Variants in ELAC2 observed in about 807,000 individuals in gnomAD.
The protein encoded by ELAC2 is zinc phosphodiesterase ELAC protein 2.
A neutral mutation model predicts 105.2 loss-of-function variants in ELAC2; 92 were observed. That is an observed-to-expected ratio of 0.87 (90% CI 0.74 to 1.04). The LOEUF is 1.04. Ranked by LOEUF, ELAC2 falls within the 50% of genes least tolerant of loss-of-function variation. The probability of loss-of-function intolerance (pLI) is 0.00; values close to 1 mark genes in which losing one functional copy is unlikely to be tolerated. For synonymous variants in ELAC2, 468 were observed against 409.1 expected, an observed-to-expected ratio of 1.14 and a Z score of -1.74; for missense variants, 1,099 against 1,071.7, an observed-to-expected ratio of 1.03 and a Z score of -0.36.
In ELAC2 at chr17:13,017,658, C is replaced by A. The variant is rs760960344; in HGVS notation, c.245+45G>T. 5.6e-6 allele frequency: 9 copies of A among 1,612,636 alleles called. No homozygotes were observed. The South Asian group carries it at 6.6e-5, about 12-fold the overall frequency. On this transcript the variant is annotated intron_variant, in intron 1 of 23. Transcript: ENST00000338034. ...GGTGCCCCGATGCTCAGAGGCTGCG[C>A]CGCACTGAGGGCCCAGCGGGACGGG...
At chr17:13,002,605 G>T in intron 12 of ELAC2, 26 bp from the exon 13 acceptor site, 1 of 1,581,454 alleles carries the variant, frequency 6.3e-7, no homozygotes, top group Non-Finnish European at 8.6e-7. Context: ...CCCGGCATTT[G>T]CAGCGTCTGT....
chr17:12,999,182 A>G (rs2040630449), intron 15 of ELAC2, among the ~76,000 whole-genome samples: 1 of 152,256 alleles, frequency 6.6e-6, no homozygotes, highest in Non-Finnish European at 1.5e-5. Flanking sequence ...CCTTTCTTCA[A>G]AAGAATTGCT....
chr17:13,006,330 T>C lies in ELAC2; in HGVS notation c.739-351A>G, dbSNP rs60427865. The C allele has an allele frequency of 7.1e-3, 2,150 of 302,986 alleles. 37 individuals are homozygous for C. The highest frequency in any genetic ancestry group is 0.043 in the African/African-American group (1,973 of 46,394). 18.8% of individuals were successfully genotyped at this position (302,986 alleles called of 1,614,324 possible). A position where few individuals can be genotyped will look rare whatever the true frequency, so the allele number is the denominator to read the frequency against. ...GTTGCAGTGAGCCGAGATCGCGCCATTGCACTCCAGCCTAGGCAACAAAAG... is the reference window on the plus strand; with the variant it reads ...GTTGCAGTGAGCCGAGATCGCGCCACTGCACTCCAGCCTAGGCAACAAAAG... On this transcript the variant is annotated intron_variant, in intron 8 of 23. Coordinates refer to ENST00000338034, the MANE Select transcript of ELAC2 (RefSeq NM_018127.7).
In ELAC2 at chr17:12,995,062, A is replaced by C. The variant is rs1567743059; in HGVS notation, c.1809T>G (p.Ser603Arg). 4.3e-6 allele frequency: 7 copies of C among 1,613,888 alleles called. No homozygotes were observed. The highest frequency in any genetic ancestry group is 1.3e-5 in the African/African-American group (1 of 74,940). The change falls in exon 20 of 24, where the codon AGT becomes AGG. Residue 603 changes from serine (S) to arginine (R), a missense_variant and splice_region_variant. Ser to Arg is a moderately radical substitution (Grantham distance 110). Transcript: ENST00000338034. ...CCTGAAGGCATTTGGCAGGAATCAT[A>C]CTGTAAAAAGACAAAACATTTAAAA... ...NQCQEVLHHI[S>R]MIPAKCLQEG...
At position 13,017,779 on chromosome 17, in the gene ELAC2, T is replaced by C. The variant is rs770364889; in HGVS notation, c.169A>G (p.Thr57Ala). The C allele has an allele frequency of 1.9e-6, 3 of 1,610,348 alleles. No homozygotes were observed. The highest frequency in any genetic ancestry group is 1.3e-5 in the African/African-American group (1 of 74,990). The stretch of plus-strand genomic sequence containing the variant: ...GCTGCCACCACCTGCAGGTACACGG[T>C]GTTTGGGCCGCCGGAGCACCCCGAC... ...GPSGCSGGPN[T>A]VYLQVVAAGS... is the part of the protein sequence containing the mutation. Residue 57 changes from threonine to alanine, a missense_variant, in exon 1 of 24, where the codon ACC (threonine) becomes GCC (alanine). Transcript: ENST00000338034.
At position 12,995,729 on chromosome 17, in the gene ELAC2, C is replaced by T. The variant is rs1056573307; in HGVS notation, c.1782G>A (p.Gln594=). Residue 594 remains glutamine, a synonymous_variant, in exon 19 of 24, where the codon CAG becomes CAA. Transcript: ENST00000338034. ...LKAWLQQYHN[Q]CQEVLHHISM... Reference sequence around the variant, plus strand: ...TGATGTGGTGCAGGACCTCCTGGCACTGGTTGTGGTACTGCTGGAGCCAGG... The same window carrying T: ...TGATGTGGTGCAGGACCTCCTGGCATTGGTTGTGGTACTGCTGGAGCCAGG... 2 of 1,612,402 alleles carry T rather than the reference C, an allele frequency of 1.2e-6. No homozygotes were observed. The highest frequency in any genetic ancestry group is 3.3e-5 in the Admixed American group (2 of 59,862).
intron 14 of ELAC2, 140 bp downstream of exon 14, chr17:13,002,134 T>C (rs1393771377): frequency 3.3e-6 from 3 of 911,782 alleles, no homozygotes; most frequent in Non-Finnish European, 5.2e-6. Flanking sequence ...GTGTTTCTTT[T>C]GTGCTCAAAG....
chr17:13,004,921 A>G lies in ELAC2; in HGVS notation c.983+68T>C, dbSNP rs183968095. On this transcript the variant is annotated intron_variant, in intron 11 of 23. Transcript: ENST00000338034. ...TCCCAGAAACACAGCTCTTGCCACA[A>G]GATGCCCATGTCGATGCTGGGCTGG... The G allele has an allele frequency of 3.7e-5, 45 of 1,223,240 alleles. No individual in the cohort carries two copies. The East Asian group carries it at 9.8e-4, about 27-fold the overall frequency. 75.8% of individuals were successfully genotyped at this position (1,223,240 alleles called of 1,614,324 possible). A position where few individuals can be genotyped will look rare whatever the true frequency, so the allele number is the denominator to read the frequency against.
Position 12,994,466 on chromosome 17 carries a change from C to CAGGGTGGCTTCATGTATCAGG in ELAC2, c.2046_2066dup (p.Leu683_Leu689dup), listed in dbSNP as rs746879525. ...CTGCTTCCTCTTCCAAACCATCTTCCAGGGTGGCTTCATGTATCAGGAGGG... is the reference window on the plus strand; with the variant it reads ...CTGCTTCCTCTTCCAAACCATCTTCCAGGGTGGCTTCATGTATCAGGAGGGTGGCTTCATGTATCAGGAGGG... On this transcript the variant is annotated inframe_insertion, in exon 22 of 24. Transcript: ENST00000338034. The CAGGGTGGCTTCATGTATCAGG allele has an allele frequency of 1.9e-6, 3 of 1,614,074 alleles. No homozygotes were observed. Among genetic ancestry groups the CAGGGTGGCTTCATGTATCAGG allele is most frequent in the African/African-American group, 1.3e-5 (1 of 74,914 alleles).
At chr17:12,994,045 A>T (rs1317233553) in intron 22 of ELAC2, among the ~76,000 whole-genome samples, 1 of 152,100 alleles carries the variant, frequency 6.6e-6, no homozygotes, top group Non-Finnish European at 1.5e-5. Flanking sequence ...CTGGCTGCCA[A>T]ATCTGTCCAT....
chr17:13,006,388 T>C (rs751335678), intron 8 of ELAC2: 23 of 236,868 alleles, frequency 9.7e-5, no homozygotes, highest in Non-Finnish European at 1.7e-4. Context: ...AAATAAAAAA[T>C]AAAATGATGT....
chr17:12,994,431 G>A lies in ELAC2; in HGVS notation c.2102C>T (p.Thr701Ile). The A allele has an allele frequency of 6.2e-7, 1 of 1,614,202 alleles. No homozygotes were observed. Among genetic ancestry groups the A allele is most frequent in the Middle Eastern group, 1.6e-4 (1 of 6,062 alleles). ...DGLEEEAVEK[T>I]HSTTSQAISV... Reference sequence around the variant, plus strand: ...ACTGACCGGCCTTTGCTACCTGTGTGTCTTTTCCACTGCTTCCTCTTCCAA... The same window carrying A: ...ACTGACCGGCCTTTGCTACCTGTGTATCTTTTCCACTGCTTCCTCTTCCAA... The change falls in exon 22 of 24, where the codon ACA becomes ATA. Residue 701 changes from threonine (T) to isoleucine (I), a missense_variant. Coordinates refer to ENST00000338034, the MANE Select transcript of ELAC2 (RefSeq NM_018127.7).
At chr17:12,998,729 G>C (rs1438989992) in intron 15 of ELAC2, among the ~76,000 whole-genome samples, 2 of 152,172 alleles carry the variant, frequency 1.3e-5, no homozygotes, top group East Asian at 3.9e-4. Flanking sequence ...GCAGTAGTAA[G>C]TACTGGCTCT....
chr17:13,015,729 G>C (rs1567775027), intron 4 of ELAC2, 39 bp downstream of exon 4: 2 of 1,560,934 alleles, frequency 1.3e-6, no homozygotes, highest in South Asian at 1.1e-5. Context: ...ATTACAAAAG[G>C]AAAGATTGCT....
chr17:13,015,718 T>C (rs2041677834), intron 4 of ELAC2, 50 bp downstream of exon 4: 2 of 1,503,742 alleles, frequency 1.3e-6, no homozygotes, highest in Non-Finnish European at 1.9e-6. Context: ...TTGTTACTGA[T>C]ATTACAAAAG....
chr17:12,992,593 T>C lies in ELAC2; in HGVS notation c.*225A>G. ...ATTAGTTCATCTGCTTGCTTCCGTG[T>C]GGCAGCCTCCTGGCCCGCGGCTGTG... On this transcript the variant is annotated 3_prime_UTR_variant, in exon 24 of 24. Transcript: ENST00000338034. 5.1e-6 allele frequency: 3 copies of C among 584,034 alleles called. No homozygotes were observed. The South Asian group carries it at 6.3e-5, about 12-fold the overall frequency. 36.2% of individuals were successfully genotyped at this position (584,034 alleles called of 1,614,324 possible).
Position 12,992,786 on chromosome 17 carries a change from A to C in ELAC2, c.*32T>G. 6.2e-7 allele frequency: 1 copy of C among 1,607,320 alleles called. No homozygotes were observed. The highest frequency in any genetic ancestry group is 8.5e-7 in the Non-Finnish European group (1 of 1,174,336). ...GGTGCGTGCGTGGGGCAGAAGACAC[A>C]CAGCCTTCTGAGTTCAGGGTCTCCC... On this transcript the variant is annotated 3_prime_UTR_variant, in exon 24 of 24. Coordinates refer to ENST00000338034, the MANE Select transcript of ELAC2 (RefSeq NM_018127.7).
At chr17:13,009,344 A>C (rs2041283025) in intron 8 of ELAC2, among the ~76,000 whole-genome samples, 1 of 152,252 alleles carries the variant, frequency 6.6e-6, no homozygotes, top group African/African-American at 2.4e-5. Flanking sequence ...GCCCACAAAA[A>C]GGCAATGAAA....
At position 13,002,508 on chromosome 17, in the gene ELAC2, T is replaced by A. The variant is rs752533400; in HGVS notation, c.1151A>T (p.Lys384Met). ...CASVHNLRSH[K>M]IQTQLNLIHP... ...GATGAGGTTGAGCTGGGTTTGAATC[T>A]TGTGGCTGCGAAGGTTGTGAACTGA... Residue 384 changes from lysine to methionine, a missense_variant, in exon 13 of 24, where the codon AAG (lysine) becomes ATG (methionine). By Grantham distance (95) the Lys-to-Met change is moderately conservative. Transcript: ENST00000338034. 8.7e-6 allele frequency: 14 copies of A among 1,606,162 alleles called. No homozygotes were observed. In the Admixed American group the frequency reaches 2.4e-4, roughly 27 times the overall value.
Sources: gnomAD v4.1 joint callset for allele counts (sites outside exome capture counted in the v4.1 genomes callset) on GRCh38, gnomAD v4.1.1 for gene constraint, MANE v1.5 for transcripts, NCBI Gene and HGNC (gene_info 2026-07-23, HGNC 2026-07-21) for gene names.